The following ANKRD30BL variants were observed in gnomAD, a reference collection of about 807,000 sequenced individuals.
ANKRD30BL encodes putative ankyrin repeat domain-containing protein 30B-like.
In ANKRD30BL, 20 loss-of-function variants were observed where a neutral mutation model predicts 18.4. The observed-to-expected ratio is 1.09, with a 90% confidence interval of 0.77 to 1.58. ANKRD30BL has a LOEUF of 1.58. Among genes scored for constraint, ANKRD30BL ranks in the 40% most tolerant of loss-of-function variants. ANKRD30BL has a pLI of 0.00. For missense variants in ANKRD30BL, 224 were observed against 268.6 expected (o/e 0.83, Z 1.16); for synonymous variants, 72 against 100.9 (o/e 0.71, Z 1.72).
intron 1 of ANKRD30BL, among the ~76,000 whole-genome samples, chr2:132,199,307 C>T (rs527845314): frequency 6.6e-6 from 1 of 152,128 alleles, no homozygotes; most frequent in African/African-American, 2.4e-5. Flanking sequence ...TTGCAATGAG[C>T]CAAGGATGCG....
At chr2:132,196,141 CAAAAAAA>C (rs199876039) in intron 1 of ANKRD30BL, among the ~76,000 whole-genome samples, 1 of 87,514 alleles carries the variant, frequency 1.1e-5, no homozygotes, top group East Asian at 3.2e-4. Flanking sequence ...GAGTCCATCT[CAAAAAAA>C]AAAAAAAGAA....
chr2:132,236,508 A>G (rs1680155243), intron 1 of ANKRD30BL, among the ~76,000 whole-genome samples: 1 of 152,196 alleles, frequency 6.6e-6, no homozygotes, highest in African/African-American at 2.4e-5. Flanking sequence ...TATGCAGCCA[A>G]AAAACACATG....
intron 4 of ANKRD30BL, among the ~76,000 whole-genome samples, chr2:132,153,096 A>G (rs983286789): frequency 4.6e-5 from 7 of 152,206 alleles, no homozygotes; most frequent in Admixed American, 1.3e-4. Context: ...TTCAATGGCA[A>G]CGATGCAGCA....
chr2:132,220,698 T>G (rs1679650290), intron 1 of ANKRD30BL, among the ~76,000 whole-genome samples: 1 of 152,096 alleles, frequency 6.6e-6, no homozygotes, highest in Non-Finnish European at 1.5e-5. Flanking sequence ...TGCAGTGGCG[T>G]GATCTCGGCT....
At chr2:132,242,459 C>T (rs79048839) in intron 1 of ANKRD30BL, among the ~76,000 whole-genome samples, 17 of 151,750 alleles carry the variant, frequency 1.1e-4, no homozygotes, top group African/African-American at 3.1e-4. Flanking sequence ...TTTCATAGAG[C>T]AGGGTTGAAA....
upstream of ANKRD30BL, among the ~76,000 whole-genome samples, chr2:132,166,237 A>G (rs186370823): frequency 1.0e-3 from 159 of 152,244 alleles, no homozygotes; most frequent in African/African-American, 3.4e-3. Context: ...TTCATGAGAG[A>G]TATTGATATA....
At chr2:132,187,198 T>TTTTTTTTTTTG (rs1688580680) in intron 1 of ANKRD30BL, among the ~76,000 whole-genome samples, 1 of 144,578 alleles carries the variant, frequency 6.9e-6, no homozygotes, top group African/African-American at 2.6e-5. Flanking sequence ...GTTTTTTTTT[T>TTTTTTTTTTTG]TTTTTTTTTT....
intron 1 of ANKRD30BL, among the ~76,000 whole-genome samples, chr2:132,233,146 G>T (rs1348616746): frequency 6.6e-6 from 1 of 150,940 alleles, no homozygotes; most frequent in African/African-American, 2.4e-5. Context: ...GAGAGATTTT[G>T]TCACCACCAG....
At position 132,157,376 on chromosome 2, in the gene ANKRD30BL, GT is replaced by G; in HGVS notation, c.265del (p.Thr89HisfsTer4). ...ACANGHAEVV[T>X]LLVDRKCQLD... is the part of the protein sequence containing the mutation. ...CTGACACTTTCTATCTACCAGAAGT[GT>G]TACTACTTCTGCATGGCCATTGGCA... On this transcript the variant is annotated frameshift_variant, in exon 2 of 6. Coordinates refer to ENST00000409867, the MANE Select transcript of ANKRD30BL (RefSeq NM_001358416.1). LOFTEE classifies it high-confidence loss of function. The G allele has an allele frequency of 1.3e-6, 1 of 752,290 alleles. No homozygotes were observed. The highest frequency in any genetic ancestry group is 1.9e-5 in the Admixed American group (1 of 53,412). 46.6% of individuals were successfully genotyped at this position (752,290 alleles called of 1,614,324 possible). A position where few individuals can be genotyped will look rare whatever the true frequency, so the allele number is the denominator to read the frequency against.
At chr2:132,194,687 T>G (rs530186103) in intron 1 of ANKRD30BL, among the ~76,000 whole-genome samples, 25 of 152,346 alleles carry the variant, frequency 1.6e-4, no homozygotes, top group African/African-American at 5.8e-4. Flanking sequence ...TGCTTCCTCC[T>G]TCTTCCCTCT....
At chr2:132,159,388 C>T (rs1214277613) in intron 1 of ANKRD30BL, among the ~76,000 whole-genome samples, 4 of 152,154 alleles carry the variant, frequency 2.6e-5, no homozygotes, top group East Asian at 3.8e-4. Flanking sequence ...ATAAATATCA[C>T]TGCTCTTTAT....
chr2:132,252,505 G>A (rs1197993501), intron 1 of ANKRD30BL, among the ~76,000 whole-genome samples: 4 of 130,298 alleles, frequency 3.1e-5, no homozygotes, highest in Non-Finnish European at 6.4e-5. Context: ...CAGGCTTCCA[G>A]CCCCAGACAC....
At chr2:132,181,448 G>A (rs1688460468) in intron 1 of ANKRD30BL, among the ~76,000 whole-genome samples, 1 of 139,256 alleles carries the variant, frequency 7.2e-6, no homozygotes, top group Non-Finnish European at 1.5e-5. Flanking sequence ...ACTGACAAAG[G>A]AAGACTCTGT....
chr2:132,151,601 C>T (rs1687759077), intron 4 of ANKRD30BL, among the ~76,000 whole-genome samples: 1 of 135,372 alleles, frequency 7.4e-6, no homozygotes, highest in African/African-American at 2.8e-5. Flanking sequence ...CATGTCTCAA[C>T]AAAAATTAAA....
chr2:132,192,074 TTTTC>T lies in ANKRD30BL; in HGVS notation n.442-34932_442-34929del, dbSNP rs544624873. ...CCAGTAAAGTCTTTTGTAAAATTCT[TTTTC>T]TTTCTCTCTTACTCTTCCTCTTTGA... On this transcript the variant is annotated intron_variant and non_coding_transcript_variant, in intron 1 of 4. Transcript: ENST00000470729. Among the ~76,000 whole-genome samples the T allele has an allele frequency of 9.2e-5, 14 of 152,330 alleles. No homozygotes were observed. The South Asian group carries it at 2.3e-3, about 25-fold the overall frequency.
At chr2:132,174,729 A>G (rs1202785866) in intron 1 of ANKRD30BL, among the ~76,000 whole-genome samples, 1 of 152,214 alleles carries the variant, frequency 6.6e-6, no homozygotes, top group Non-Finnish European at 1.5e-5. Context: ...AGTAACTTCT[A>G]TCTCTTTGGA....
At chr2:132,180,878 T>C (rs1417630614) in intron 1 of ANKRD30BL, among the ~76,000 whole-genome samples, 1 of 152,108 alleles carries the variant, frequency 6.6e-6, no homozygotes, top group African/African-American at 2.4e-5. Context: ...CCAGGCGAGG[T>C]GGCTTATGCC....
intron 1 of ANKRD30BL, among the ~76,000 whole-genome samples, chr2:132,172,457 G>A (rs1023236163): frequency 6.6e-6 from 1 of 152,052 alleles, no homozygotes; most frequent in Admixed American, 6.6e-5. Context: ...ATTTTCATTT[G>A]TGTTTTTCTA....
chr2:132,206,265 C>G (rs1457514302), intron 1 of ANKRD30BL, among the ~76,000 whole-genome samples: 2 of 152,128 alleles, frequency 1.3e-5, no homozygotes, highest in Admixed American at 1.3e-4. Context: ...ATGATTGTGG[C>G]TATAACTTGC....
Sources: gnomAD v4.1 joint callset for allele counts (sites outside exome capture counted in the v4.1 genomes callset) on GRCh38, gnomAD v4.1.1 for gene constraint, MANE v1.5 for transcripts, NCBI Gene and HGNC (gene_info 2026-07-23, HGNC 2026-07-21) for gene names.